RBM20: variants seen among roughly 807,000 people sequenced by gnomAD.
RBM20 encodes the protein RNA-binding protein 20.
In RBM20, 51 loss-of-function variants were observed where a neutral mutation model predicts 110.1. The ratio of observed to expected loss-of-function variants is 0.46; its 90% confidence interval spans 0.37 to 0.59. The LOEUF (loss-of-function observed/expected upper bound fraction) is 0.59. RBM20 is among the 20% of genes least tolerant of loss of function. The pLI, the probability that RBM20 is intolerant of heterozygous loss-of-function variation, is 0.00. For missense variants in RBM20, 1,512 were observed against 1,574.9 expected, an observed-to-expected ratio of 0.96 and a Z score of 0.68; for synonymous variants, 589 against 618.2, an observed-to-expected ratio of 0.95 and a Z score of 0.70.
intron 10 of RBM20, among the ~76,000 whole-genome samples, chr10:110,820,752 G>A (rs1002524561): frequency 6.6e-6 from 1 of 152,234 alleles, no homozygotes; most frequent in African/African-American, 2.4e-5. Context: ...CAGGGAAGCT[G>A]ATCTCCTAAA....
At chr10:110,708,066 C>G (rs888352441) in intron 1 of RBM20, among the ~76,000 whole-genome samples, 1 of 152,132 alleles carries the variant, frequency 6.6e-6, no homozygotes, top group African/African-American at 2.4e-5. Context: ...AGTAAACACT[C>G]GGTTATAAAA....
At chr10:110,809,259 G>GA (rs973053467) in intron 7 of RBM20, among the ~76,000 whole-genome samples, 5 of 96,666 alleles carry the variant, frequency 5.2e-5, no homozygotes, top group South Asian at 3.3e-4. Flanking sequence ...AAATTACATA[G>GA]AAAAAATCAA....
chr10:110,750,069 C>T (rs1223196372), intron 1 of RBM20, among the ~76,000 whole-genome samples: 1 of 152,084 alleles, frequency 6.6e-6, no homozygotes, highest in Non-Finnish European at 1.5e-5. Context: ...ATAGGTGTTG[C>T]CTCTGGACAC....
intron 1 of RBM20, among the ~76,000 whole-genome samples, chr10:110,772,153 A>C (rs1004231790): frequency 2.0e-5 from 3 of 152,196 alleles, no homozygotes; most frequent in Non-Finnish European, 2.9e-5. Context: ...CCGACAAACC[A>C]ACTCCTGTCC....
intron 1 of RBM20, among the ~76,000 whole-genome samples, chr10:110,703,742 C>T (rs1317365214): frequency 3.9e-5 from 6 of 152,222 alleles, no homozygotes; most frequent in African/African-American, 1.2e-4. Context: ...ATCCACCTCC[C>T]GCCCTTTGAC....
intron 1 of RBM20, among the ~76,000 whole-genome samples, chr10:110,759,141 A>T (rs771882348): frequency 5.9e-5 from 9 of 152,170 alleles, no homozygotes; most frequent in Non-Finnish European, 1.2e-4. Flanking sequence ...TCTGTGCAGG[A>T]TGTAGCCTTT....
In RBM20 at chr10:110,797,583, G is replaced by A. The variant is rs183007628; in HGVS notation, c.1603G>A (p.Val535Ile). 89 of 1,551,676 alleles carry A rather than the reference G, an allele frequency of 5.7e-5. 1 individual carries two copies. In the Admixed American group the frequency reaches 1.1e-3, roughly 19 times the overall value. Residue 535 changes from valine (V) to isoleucine (I), a missense_variant, in exon 6 of 14, where the codon GTC becomes ATC. By Grantham distance (29) the Val-to-Ile change is conservative. Around this residue, in one of 3 missense-constraint regions of RBM20, gnomAD observed 1,149 missense variants for 1,169.4 expected, o/e 0.98. Transcript: ENST00000369519. Reference protein sequence around the residue: ...LPEGSCTENDVINLGLPFGKV... With the variant: ...LPEGSCTENDIINLGLPFGKV... The stretch of plus-strand genomic sequence containing the variant: ...TGAAGGAAGCTGCACTGAGAATGAC[G>A]TCATTAACCTGGGGCTGCCCTTTGG...
Position 110,781,738 on chromosome 10 carries a change from G to T in RBM20, c.1129G>T (p.Gly377Cys), listed in dbSNP as rs923358109. Residue 377 changes from glycine to cysteine, a missense_variant, in exon 2 of 14, where the codon GGT becomes TGT. By Grantham distance (159) the Gly-to-Cys change is radical (BLOSUM62 -3). This residue lies in a region of RBM20 where 1,149 missense variants were observed against 1,169.4 expected (regional missense o/e 0.98). Coordinates refer to ENST00000369519, the MANE Select transcript of RBM20 (RefSeq NM_001134363.3). The stretch of plus-strand genomic sequence containing the variant: ...TAACAACAGCAAACAGGGTTTTATC[G>T]GTGCTGGGCGGAGGGCCAAGGAGGA... ...RLNNSKQGFIGAGRRAKEDQA... is the reference protein window; with the variant it reads ...RLNNSKQGFICAGRRAKEDQA... 3 of 1,551,702 alleles carry T rather than the reference G, an allele frequency of 1.9e-6. No individual in the cohort carries two copies. The highest frequency in any genetic ancestry group is 2.6e-6 in the Non-Finnish European group (3 of 1,147,012).
intron 13 of RBM20, among the ~76,000 whole-genome samples, chr10:110,833,736 C>T (rs1355281718): frequency 6.6e-6 from 1 of 152,210 alleles, no homozygotes; most frequent in African/African-American, 2.4e-5. Context: ...AGGCCAGAGC[C>T]ATTCTTGTAG....
chr10:110,765,563 AG>A (rs1265879469), intron 1 of RBM20, among the ~76,000 whole-genome samples: 43 of 152,304 alleles, frequency 2.8e-4, no homozygotes, highest in African/African-American at 9.9e-4. Context: ...TGTGCGGTTC[AG>A]GGTACAAATT....
chr10:110,826,036 G>A (rs756547193), intron 12 of RBM20, among the ~76,000 whole-genome samples: 3 of 152,156 alleles, frequency 2.0e-5, no homozygotes, highest in Non-Finnish European at 2.9e-5. Flanking sequence ...CTGTGGGAGA[G>A]CGTCCTAGCC....
intron 1 of RBM20, among the ~76,000 whole-genome samples, chr10:110,713,938 A>T (rs1285399360): frequency 1.3e-5 from 2 of 152,196 alleles, no homozygotes; most frequent in African/African-American, 2.4e-5. Context: ...GTGAAGACTG[A>T]TAATATTCAG....
chr10:110,767,192 G>A (rs1159202239), intron 1 of RBM20, among the ~76,000 whole-genome samples: 2 of 138,398 alleles, frequency 1.4e-5, no homozygotes, highest in African/African-American at 5.3e-5. Context: ...TCCCAGACGG[G>A]GCGGCTGGCC....
In RBM20 at chr10:110,753,286, A is replaced by G. The variant is rs79384682; in HGVS notation, c.192-27515A>G. Among the ~76,000 whole-genome samples, 626 of 152,222 alleles carry G rather than the reference A, an allele frequency of 4.1e-3. 3 individuals carry two copies. Among genetic ancestry groups the G allele is most frequent in the African/African-American group, 0.013 (555 of 41,532 alleles). On this transcript the variant is annotated intron_variant, in intron 1 of 13. Coordinates refer to ENST00000369519, the MANE Select transcript of RBM20 (RefSeq NM_001134363.3). ...AAGTTTATCAAAGCTTTCATTTCCC[A>G]TAGAGTAACTCAAGGTCCTTGGAAC...
At chr10:110,763,012 TGG>T (rs1844027239) in intron 1 of RBM20, among the ~76,000 whole-genome samples, 2 of 152,168 alleles carry the variant, frequency 1.3e-5, no homozygotes, top group African/African-American at 4.8e-5. Context: ...GAGCTGGGAC[TGG>T]CGCTTTTAGG....
rs567570593 is a variant in RBM20, at chr10:110,715,305, C to T, written c.192-65496C>T. Among the ~76,000 whole-genome samples, 5 of 151,586 alleles carry T rather than the reference C, an allele frequency of 3.3e-5. No individual in the cohort carries two copies. The South Asian group carries it at 6.3e-4, about 19-fold the overall frequency. The stretch of plus-strand genomic sequence containing the variant: ...AAAAAACCCATAATTTGTGAATATT[C>T]GTACTTCTATACTCCATCACTCTTT... On this transcript the variant is annotated intron_variant, in intron 1 of 13. Coordinates refer to ENST00000369519, the MANE Select transcript of RBM20 (RefSeq NM_001134363.3).
intron 1 of RBM20, among the ~76,000 whole-genome samples, chr10:110,705,911 A>G (rs191953867): frequency 4.3e-4 from 66 of 152,086 alleles, no homozygotes; most frequent in Non-Finnish European, 9.0e-4. Context: ...TGAAACCCCC[A>G]TCTCTACTAA....
chr10:110,720,682 C>T (rs1300874911), intron 1 of RBM20, among the ~76,000 whole-genome samples: 84 of 88,656 alleles, frequency 9.5e-4, no homozygotes, highest in Admixed American at 1.6e-3. Context: ...CTCATCCTTG[C>T]AGTGTCCATC....
intron 3 of RBM20, 87 bp downstream of exon 3, chr10:110,783,514 T>G: frequency 9.2e-7 from 1 of 1,086,642 alleles, no homozygotes. Flanking sequence ...CTGTTTTGAG[T>G]CCTGGGGCAA....
Sources: allele counts gnomAD v4.1 joint callset (sites outside exome capture counted in the v4.1 genomes callset), GRCh38; gene constraint gnomAD v4.1.1; regional missense constraint gnomAD v4.1.1; transcripts MANE v1.5; gene names NCBI Gene and HGNC (gene_info 2026-07-23, HGNC 2026-07-21).